The following SMYD3 variants were observed in gnomAD, a reference collection of about 807,000 sequenced individuals.
SMYD3 encodes the protein histone-lysine N-methyltransferase SMYD3.
SMYD3 carries 36 observed loss-of-function variants against 57.7 expected under a neutral mutation model. The observed-to-expected ratio is 0.62, with a 90% CI of 0.48 to 0.82. The LOEUF (loss-of-function observed/expected upper bound fraction) is 0.82, where lower values mean the gene tolerates loss of function less well. SMYD3 is among the 40% of genes least tolerant of loss of function. The pLI is 0.00. For missense variants in SMYD3, 515 were observed against 538.8 expected (o/e 0.96, Z 0.44); for synonymous variants, 211 against 195.0 (o/e 1.08, Z -0.68).
intron 5 of SMYD3, among the ~76,000 whole-genome samples, chr1:246,051,505 T>C (rs2060066793): frequency 6.6e-6 from 1 of 152,162 alleles, no homozygotes; most frequent in Non-Finnish European, 1.5e-5. Flanking sequence ...AAAATACTCT[T>C]GACTATTTAC....
chr1:246,031,719 AGAGC>A (rs1355688056), intron 5 of SMYD3, among the ~76,000 whole-genome samples: 1 of 147,714 alleles, frequency 6.8e-6, no homozygotes, highest in East Asian at 2.1e-4. Flanking sequence ...CCTGGGCGAC[AGAGC>A]GAGACTTTGT....
chr1:246,161,337 T>G (rs1365995842), intron 5 of SMYD3, among the ~76,000 whole-genome samples: 1 of 152,234 alleles, frequency 6.6e-6, no homozygotes, highest in Non-Finnish European at 1.5e-5. Flanking sequence ...GTTTTCTCTG[T>G]GTGCTAAGCT....
chr1:245,937,720 T>G (rs6662940), intron 5 of SMYD3, among the ~76,000 whole-genome samples: 82,532 of 152,160 alleles, frequency 0.54, 28,148 homozygotes, highest in Non-Finnish European at 0.77. Context: ...GAACTGAACT[T>G]TCTCCCATGT....
At chr1:245,987,467 GA>G (rs145638838) in intron 5 of SMYD3, among the ~76,000 whole-genome samples, 2,456 of 152,252 alleles carry the variant, frequency 0.016, 64 homozygotes, top group African/African-American at 0.056. Flanking sequence ...AAAAACAATT[GA>G]AACGAACTAA....
chr1:245,994,107 G>A (rs2058874226), intron 5 of SMYD3, among the ~76,000 whole-genome samples: 1 of 152,200 alleles, frequency 6.6e-6, no homozygotes, highest in South Asian at 2.1e-4. Context: ...TCTTTTCATT[G>A]CACTTTTCAT....
chr1:246,454,033 G>T (rs1049124662), intron 1 of SMYD3, among the ~76,000 whole-genome samples: 5 of 152,136 alleles, frequency 3.3e-5, no homozygotes, highest in African/African-American at 4.8e-5. Context: ...GGTAATACGT[G>T]AAGAAATTGT....
chr1:246,414,902 A>G (rs1417379159), intron 1 of SMYD3, among the ~76,000 whole-genome samples: 1 of 151,930 alleles, frequency 6.6e-6, no homozygotes, highest in Non-Finnish European at 1.5e-5. Flanking sequence ...TTTTTAGTAG[A>G]GACGACGTTT....
chr1:246,159,155 G>A (rs2062073202), intron 5 of SMYD3, among the ~76,000 whole-genome samples: 1 of 152,086 alleles, frequency 6.6e-6, no homozygotes. Flanking sequence ...AGTGCTGGGG[G>A]GAAAGCACGT....
At position 246,465,424 on chromosome 1, in the gene SMYD3, T is replaced by C. The variant is rs542813834; in HGVS notation, c.164+41630A>G. Among the ~76,000 whole-genome samples, 26 of 152,348 alleles carry C rather than the reference T, an allele frequency of 1.7e-4. No individual in the cohort carries two copies. In the East Asian group the frequency reaches 4.4e-3, roughly 26 times the overall value. Reference sequence around the variant, plus strand: ...TGAATAAAACATAGCGGCATCTACTTCTAAAACTAGTGCCAAATACACCAC... The same window carrying C: ...TGAATAAAACATAGCGGCATCTACTCCTAAAACTAGTGCCAAATACACCAC... On this transcript the variant is annotated intron_variant, in intron 1 of 11. Transcript: ENST00000490107.
intron 5 of SMYD3, among the ~76,000 whole-genome samples, chr1:245,972,798 G>A (rs1254113452): frequency 1.3e-5 from 2 of 152,180 alleles, no homozygotes; most frequent in Admixed American, 1.3e-4. Flanking sequence ...AAGAATCCGG[G>A]CCCTGAATAA....
intron 4 of SMYD3, among the ~76,000 whole-genome samples, chr1:246,330,219 G>C (rs1230904734): frequency 6.6e-6 from 1 of 152,160 alleles, no homozygotes; most frequent in East Asian, 1.9e-4. Context: ...GAAGAAAAAT[G>C]ATTTTGTCAA....
chr1:245,794,867 G>T (rs942950182), intron 10 of SMYD3, among the ~76,000 whole-genome samples: 2 of 151,908 alleles, frequency 1.3e-5, no homozygotes. Flanking sequence ...ACATATGTTT[G>T]TCCCCCAATC....
At chr1:245,825,935 A>G (rs2049458206) in intron 10 of SMYD3, among the ~76,000 whole-genome samples, 1 of 147,388 alleles carries the variant, frequency 6.8e-6, no homozygotes, top group Non-Finnish European at 1.5e-5. Context: ...TTTTCTCCTA[A>G]ACGACCTTCC....
At chr1:246,423,006 G>C (rs1212774507) in intron 1 of SMYD3, among the ~76,000 whole-genome samples, 1 of 152,092 alleles carries the variant, frequency 6.6e-6, no homozygotes, top group Non-Finnish European at 1.5e-5. Context: ...GAAGGAAAAT[G>C]GAGTGAGATG....
intron 10 of SMYD3, among the ~76,000 whole-genome samples, chr1:245,777,405 GTTTAT>G (rs2046650015): frequency 6.6e-6 from 1 of 152,124 alleles, no homozygotes; most frequent in Non-Finnish European, 1.5e-5. Flanking sequence ...ATTGAGAAGT[GTTTAT>G]TTTTTTAAAA....
intron 10 of SMYD3, among the ~76,000 whole-genome samples, chr1:245,807,524 G>A (rs1302611870): frequency 2.0e-5 from 3 of 152,192 alleles, no homozygotes; most frequent in African/African-American, 7.2e-5. Context: ...GAGGGAAGCA[G>A]GCCTGGCAGC....
At chr1:245,892,769 T>G (rs190668344) in intron 8 of SMYD3, among the ~76,000 whole-genome samples, 1 of 152,294 alleles carries the variant, frequency 6.6e-6, no homozygotes, top group East Asian at 1.9e-4. Flanking sequence ...AACCTAAAAC[T>G]ATAAAATCTA....
At chr1:246,404,762 G>C (rs2066832399) in intron 1 of SMYD3, among the ~76,000 whole-genome samples, 1 of 151,886 alleles carries the variant, frequency 6.6e-6, no homozygotes, top group African/African-American at 2.4e-5. Context: ...CAACTTCCTC[G>C]GTCACATTAG....
intron 5 of SMYD3, among the ~76,000 whole-genome samples, chr1:246,093,002 T>C (rs1408518027): frequency 5.3e-5 from 8 of 151,102 alleles, no homozygotes; most frequent in Non-Finnish European, 2.9e-5. Context: ...CCAACACATA[T>C]ATGAAAAAAT....
Sources: allele counts gnomAD v4.1 joint callset (sites outside exome capture counted in the v4.1 genomes callset), GRCh38; gene constraint gnomAD v4.1.1; transcripts MANE v1.5; gene names NCBI Gene and HGNC (gene_info 2026-07-23, HGNC 2026-07-21).